The following VTI1A variants were observed in gnomAD, a reference collection of about 807,000 sequenced individuals.
VTI1A encodes vesicle transport through interaction with t-SNAREs homolog 1A.
A neutral mutation model predicts 34.9 loss-of-function variants in VTI1A; 22 were observed. The observed-to-expected ratio is 0.63, with a 90% CI of 0.45 to 0.90. VTI1A has a LOEUF of 0.90. VTI1A is among the 40% of genes least tolerant of loss of function. The pLI is 0.00. For missense variants in VTI1A, 268 were observed against 275.6 expected (o/e 0.97, Z 0.20); for synonymous variants, 87 against 97.3 (o/e 0.89, Z 0.62).
chr10:112,512,618 C>G (rs1176527517), intron 3 of VTI1A, among the ~76,000 whole-genome samples: 1 of 152,140 alleles, frequency 6.6e-6, no homozygotes, highest in Non-Finnish European at 1.5e-5. Flanking sequence ...CATTCTTTGT[C>G]TAAACCGATG....
intron 1 of VTI1A, among the ~76,000 whole-genome samples, chr10:112,451,097 A>G (rs1847219366): frequency 6.6e-6 from 1 of 151,938 alleles, no homozygotes; most frequent in Admixed American, 6.6e-5. Context: ...TTGTACCAAG[A>G]AAGTATTACA....
intron 5 of VTI1A, among the ~76,000 whole-genome samples, chr10:112,542,844 C>T (rs960056166): frequency 3.9e-5 from 6 of 152,110 alleles, no homozygotes; most frequent in Non-Finnish European, 7.4e-5. Context: ...CACCCCACAA[C>T]AGGCCCCGGT....
intron 3 of VTI1A, among the ~76,000 whole-genome samples, chr10:112,516,886 C>T (rs73365029): frequency 1.4e-3 from 216 of 152,024 alleles, no homozygotes; most frequent in African/African-American, 5.0e-3. Flanking sequence ...GTGGAGCATG[C>T]GGTAGGAGAA....
chr10:112,737,657 A>C, intron 7 of VTI1A: 2 of 1,052,876 alleles, frequency 1.9e-6, no homozygotes, highest in Non-Finnish European at 2.3e-6. Flanking sequence ...CCTCAAAAAT[A>C]GAACAAGAGC....
intron 3 of VTI1A, among the ~76,000 whole-genome samples, chr10:112,479,288 A>G (rs1465407467): frequency 6.6e-6 from 1 of 152,208 alleles, no homozygotes; most frequent in African/African-American, 2.4e-5. Flanking sequence ...GCATGCTACT[A>G]CTTTTGAATG....
rs531451621 is a variant in VTI1A at position 112,649,442 on chromosome 10, T to G, written c.428-18776T>G. 2.6e-5 allele frequency among the ~76,000 whole-genome samples: 4 copies of G among 152,354 alleles called. No individual in the cohort carries two copies. In the South Asian group the frequency reaches 8.3e-4, roughly 32 times the overall value. On this transcript the variant is annotated intron_variant, in intron 5 of 7. Coordinates refer to ENST00000393077, the MANE Select transcript of VTI1A (RefSeq NM_145206.4). ...TCACAAATAATATCAATCTAGTGCC[T>G]ACTATGGGCTCATGCATCATGCTGG...
intron 7 of VTI1A, among the ~76,000 whole-genome samples, chr10:112,745,306 A>G (rs574450221): frequency 6.6e-6 from 1 of 152,098 alleles, no homozygotes; most frequent in Non-Finnish European, 1.5e-5. Flanking sequence ...ATGTCGTGGA[A>G]GTTTTTAAGA....
intron 7 of VTI1A, among the ~76,000 whole-genome samples, chr10:112,692,122 G>A (rs988750849): frequency 6.6e-6 from 1 of 152,336 alleles, no homozygotes; most frequent in African/African-American, 2.4e-5. Context: ...CCTCTGAAAT[G>A]TATATTCCCA....
chr10:112,770,477 G>A (rs1222839260), intron 7 of VTI1A, among the ~76,000 whole-genome samples: 2 of 150,950 alleles, frequency 1.3e-5, no homozygotes, highest in East Asian at 2.0e-4. Flanking sequence ...CTCACTGCAA[G>A]CTCCGCCTCC....
At chr10:112,499,581 C>T (rs559170671) in intron 3 of VTI1A, among the ~76,000 whole-genome samples, 3 of 152,306 alleles carry the variant, frequency 2.0e-5, no homozygotes, top group African/African-American at 7.2e-5. Flanking sequence ...TTCACATGTC[C>T]CAGTCCTACA....
At chr10:112,595,946 A>G (rs1844620300) in intron 5 of VTI1A, among the ~76,000 whole-genome samples, 2 of 152,312 alleles carry the variant, frequency 1.3e-5, no homozygotes, top group South Asian at 2.1e-4. Context: ...GATTAAGAAA[A>G]TGTGGCAGAT....
At chr10:112,783,030 C>T (rs1017945151) in intron 7 of VTI1A, among the ~76,000 whole-genome samples, 7 of 151,816 alleles carry the variant, frequency 4.6e-5, no homozygotes, top group Non-Finnish European at 7.4e-5. Context: ...AAAGTAGACA[C>T]GAATCTGGAT....
At chr10:112,560,741 C>T (rs1230253005) in intron 5 of VTI1A, among the ~76,000 whole-genome samples, 4 of 151,878 alleles carry the variant, frequency 2.6e-5, no homozygotes, top group African/African-American at 4.8e-5. Flanking sequence ...GGACTACAGG[C>T]GCGCACCATC....
chr10:112,598,935 C>T (rs913469151), intron 5 of VTI1A, among the ~76,000 whole-genome samples: 2 of 152,148 alleles, frequency 1.3e-5, no homozygotes, highest in Non-Finnish European at 2.9e-5. Flanking sequence ...AGTCAATCTG[C>T]GTTATATCTG....
intron 5 of VTI1A, among the ~76,000 whole-genome samples, chr10:112,560,289 C>A (rs1467254381): frequency 1.3e-5 from 2 of 152,066 alleles, no homozygotes; most frequent in Admixed American, 1.3e-4. Flanking sequence ...ATGCAACTTT[C>A]CAGAAATACC....
At chr10:112,449,098 C>T (rs1847126047) in intron 1 of VTI1A, 1 of 152,216 alleles carries the variant, frequency 6.6e-6, no homozygotes, top group South Asian at 2.1e-4. Context: ...CTTCATGATA[C>T]ATCACCTCGC....
In VTI1A at chr10:112,594,009, C is replaced by T. The variant is rs957053764; in HGVS notation, c.427+55679C>T. On this transcript the variant is annotated intron_variant, in intron 5 of 7. Coordinates refer to ENST00000393077, the MANE Select transcript of VTI1A (RefSeq NM_145206.4). ...ACTGCAAGCTCTGTCTCCCGGGTTCCCGCCATTCTCCTTCCTCAGCCTCCC... is the reference window on the plus strand; with the variant it reads ...ACTGCAAGCTCTGTCTCCCGGGTTCTCGCCATTCTCCTTCCTCAGCCTCCC... Among the ~76,000 whole-genome samples the T allele has an allele frequency of 3.3e-5, 5 of 152,096 alleles. No individual in the cohort carries two copies. In the South Asian group the frequency reaches 1.0e-3, roughly 32 times the overall value.
rs2133835039 is a variant in VTI1A, at chr10:112,668,277, G to A, written c.487G>A (p.Ala163Thr). ...LSHDREKIQR[A>T]RERLRETDAN... Reference sequence around the variant, plus strand: ...TCATGACAGAGAAAAGATACAGCGAGCACGTGAAAGAGTAAGTACAATTGA... The same window carrying A: ...TCATGACAGAGAAAAGATACAGCGAACACGTGAAAGAGTAAGTACAATTGA... The change falls in exon 6 of 8, where the codon GCA (alanine) becomes ACA (threonine). Residue 163 changes from alanine (A) to threonine (T), a missense_variant. Physicochemically the swap from Ala to Thr is moderately conservative, Grantham distance 58 (BLOSUM62 0). Coordinates refer to ENST00000393077, the MANE Select transcript of VTI1A (RefSeq NM_145206.4). 2 of 1,612,384 alleles carry A rather than the reference G, an allele frequency of 1.2e-6. No individual in the cohort carries two copies. Among genetic ancestry groups the A allele is most frequent in the East Asian group, 4.5e-5 (2 of 44,786 alleles).
intron 7 of VTI1A, among the ~76,000 whole-genome samples, chr10:112,763,151 G>A (rs532594102): frequency 8.5e-5 from 13 of 152,104 alleles, no homozygotes; most frequent in Admixed American, 3.3e-4. Flanking sequence ...TGGGCCAGGC[G>A]CAGTGGCTCA....
Sources: allele counts gnomAD v4.1 joint callset (sites outside exome capture counted in the v4.1 genomes callset), GRCh38; gene constraint gnomAD v4.1.1; transcripts MANE v1.5; gene names NCBI Gene and HGNC (gene_info 2026-07-23, HGNC 2026-07-21).